Variants in SPATA6 observed in about 807,000 individuals in gnomAD.
SPATA6 encodes the protein spermatogenesis-associated protein 6.
SPATA6 carries 56 observed loss-of-function variants against 65.3 expected under a neutral mutation model. The ratio of observed to expected loss-of-function variants is 0.86; its 90% CI spans 0.69 to 1.07. SPATA6 has a LOEUF of 1.07. Ranked by LOEUF, SPATA6 falls within the 50% of genes least tolerant of loss-of-function variation. The probability of loss-of-function intolerance (pLI) is 0.00; values close to 1 mark genes in which losing one functional copy is unlikely to be tolerated. For synonymous variants in SPATA6, 199 were observed against 213.2 expected (o/e 0.93, Z 0.58); for missense variants, 590 against 594.8 (o/e 0.99, Z 0.08).
intron 8 of SPATA6, among the ~76,000 whole-genome samples, chr1:48,390,389 C>A (rs1557654961): frequency 6.6e-6 from 1 of 152,008 alleles, no homozygotes; most frequent in Non-Finnish European, 1.5e-5. Context: ...GTAGAATAAT[C>A]GATACTAGAG....
intron 1 of SPATA6, among the ~76,000 whole-genome samples, chr1:48,467,713 A>G (rs1657917591): frequency 1.3e-5 from 2 of 152,140 alleles, no homozygotes; most frequent in Non-Finnish European, 2.9e-5. Context: ...AATAGCAAGA[A>G]AACAAAAAAC....
At chr1:48,442,490 G>C (rs907286590) in intron 3 of SPATA6, among the ~76,000 whole-genome samples, 1 of 151,776 alleles carries the variant, frequency 6.6e-6, no homozygotes, top group African/African-American at 2.4e-5. Context: ...CAGCATAAGC[G>C]GCTGGCAGAG....
the SPATA6 span, among the ~76,000 whole-genome samples, chr1:48,278,725 C>T: frequency 4.2e-4 from 64 of 152,260 alleles, no homozygotes; most frequent in Admixed American, 3.7e-3. Context: ...CTGAAACTGA[C>T]GGGGAGAATG....
At chr1:48,471,356 G>T (rs577863480) in intron 1 of SPATA6, among the ~76,000 whole-genome samples, 3 of 152,202 alleles carry the variant, frequency 2.0e-5, no homozygotes, top group Admixed American at 2.0e-4. Flanking sequence ...GGAGGGGCCT[G>T]AAGTGATTTC....
At chr1:48,431,738 A>C (rs1654422590) in intron 3 of SPATA6, among the ~76,000 whole-genome samples, 1 of 152,210 alleles carries the variant, frequency 6.6e-6, no homozygotes, top group Non-Finnish European at 1.5e-5. Context: ...ATAAAAATGA[A>C]AATACAATAC....
At chr1:48,384,648 A>G (rs941577405) in intron 9 of SPATA6, among the ~76,000 whole-genome samples, 36 of 152,284 alleles carry the variant, frequency 2.4e-4, no homozygotes, top group African/African-American at 8.4e-4. Flanking sequence ...CAGAAAAAAT[A>G]TATTTTCAAT....
chr1:48,419,488 G>A lies in SPATA6; in HGVS notation c.239-6337C>T, dbSNP rs192080965. Among the ~76,000 whole-genome samples the A allele has an allele frequency of 3.3e-5, 5 of 152,224 alleles. No homozygotes were observed. In the East Asian group the frequency reaches 5.8e-4, roughly 18 times the overall value. ...TTATATAGGGTAAGAAAGCAGCAAC[G>A]AGAAAGACACTAAGGAAATGGGGCT... On this transcript the variant is annotated intron_variant, in intron 3 of 12. Transcript: ENST00000371847.
At chr1:48,367,323 A>G (rs568451475) in intron 9 of SPATA6, among the ~76,000 whole-genome samples, 25 of 152,268 alleles carry the variant, frequency 1.6e-4, no homozygotes, top group Non-Finnish European at 1.5e-5. Context: ...TGCTTGGTGC[A>G]GAGCTGAGTT....
chr1:48,416,431 C>T (rs1652792074), intron 3 of SPATA6, among the ~76,000 whole-genome samples: 1 of 151,990 alleles, frequency 6.6e-6, no homozygotes, highest in Non-Finnish European at 1.5e-5. Context: ...AAAACATTTA[C>T]ATAACATATA....
intron 12 of SPATA6, among the ~76,000 whole-genome samples, chr1:48,303,424 A>G (rs1356249716): frequency 6.6e-6 from 1 of 151,784 alleles, no homozygotes; most frequent in African/African-American, 2.4e-5. Context: ...TTCACCCTCT[A>G]TTCCCTCCTC....
chr1:48,347,905 C>T (rs528401272), intron 11 of SPATA6, among the ~76,000 whole-genome samples: 88 of 152,060 alleles, frequency 5.8e-4, no homozygotes, highest in African/African-American at 2.1e-3. Context: ...TGTCTCAACA[C>T]TCCTGTGACT....
intron 3 of SPATA6, among the ~76,000 whole-genome samples, chr1:48,424,224 C>T (rs941406610): frequency 1.3e-5 from 2 of 152,138 alleles, no homozygotes; most frequent in African/African-American, 4.8e-5. Context: ...ATTTTTAGAT[C>T]CTACAAATAA....
chr1:48,335,785 C>T (rs549503585), intron 11 of SPATA6, among the ~76,000 whole-genome samples: 9 of 151,948 alleles, frequency 5.9e-5, no homozygotes, highest in Admixed American at 3.3e-4. Flanking sequence ...TGACAAATGG[C>T]GCCTAATTAA....
At chr1:48,442,730 A>C (rs949184136) in intron 3 of SPATA6, among the ~76,000 whole-genome samples, 6 of 149,616 alleles carry the variant, frequency 4.0e-5, no homozygotes, top group Admixed American at 6.6e-5. Flanking sequence ...AAAAAAAAAA[A>C]AAAAAAAAAA....
chr1:48,302,121 G>T (rs1644953965), intron 12 of SPATA6, among the ~76,000 whole-genome samples: 1 of 152,094 alleles, frequency 6.6e-6, no homozygotes, highest in African/African-American at 2.4e-5. Flanking sequence ...CCGATTCTTT[G>T]TTCAATGATT....
chr1:48,264,127 C>G, the SPATA6 span, among the ~76,000 whole-genome samples: 11 of 152,280 alleles, frequency 7.2e-5, no homozygotes, highest in Admixed American at 3.3e-4. Context: ...TGGAGAAACA[C>G]TGACTACAAA....
intron 10 of SPATA6, among the ~76,000 whole-genome samples, chr1:48,357,478 T>C (rs1356202714): frequency 6.6e-6 from 1 of 152,136 alleles, no homozygotes; most frequent in Non-Finnish European, 1.5e-5. Context: ...AGCATTTTAC[T>C]GCAATCTTAG....
chr1:48,326,650 C>T (rs1051603034), intron 11 of SPATA6, among the ~76,000 whole-genome samples: 1 of 151,756 alleles, frequency 6.6e-6, no homozygotes, highest in African/African-American at 2.4e-5. Context: ...CAGCATGGTA[C>T]TAGAAGAAAA....
At chr1:48,386,397 G>C (rs1184637877) in intron 8 of SPATA6, among the ~76,000 whole-genome samples, 2 of 152,136 alleles carry the variant, frequency 1.3e-5, no homozygotes, top group African/African-American at 4.8e-5. Flanking sequence ...ATAAGAACCA[G>C]AGACAATCAG....
Sources: allele counts gnomAD v4.1 joint callset (sites outside exome capture counted in the v4.1 genomes callset), GRCh38; gene constraint gnomAD v4.1.1; transcripts MANE v1.5; gene names NCBI Gene and HGNC (gene_info 2026-07-23, HGNC 2026-07-21).